Variants in KIF5C observed in about 807,000 individuals in gnomAD.
KIF5C encodes kinesin family member 5C.
KIF5C carries 18 observed loss-of-function variants against 125.2 expected under a neutral mutation model. That is an observed-to-expected ratio of 0.14 (90% confidence interval 0.10 to 0.21). The LOEUF is 0.21. KIF5C is among the 10% of genes least tolerant of loss of function. KIF5C has a pLI of 1.00. For missense variants in KIF5C, 780 were observed against 1,183.8 expected, an observed-to-expected ratio of 0.66 and a Z score of 5.01; for synonymous variants, 405 against 434.0, an observed-to-expected ratio of 0.93 and a Z score of 0.83.
chr2:148,907,670 A>C (rs995282192), intron 1 of KIF5C, among the ~76,000 whole-genome samples: 9 of 152,224 alleles, frequency 5.9e-5, no homozygotes, highest in Non-Finnish European at 1.2e-4. Flanking sequence ...CATCAGGGGA[A>C]GAGTGGGAAG....
chr2:149,005,314 G>A (rs1349613371), intron 21 of KIF5C, 79 bp from the exon 22 acceptor site: 21 of 1,562,226 alleles, frequency 1.3e-5, no homozygotes, highest in Middle Eastern at 3.3e-4. Context: ...GGGAAGTGTC[G>A]GGGGAATGAT....
intron 8 of KIF5C, 66 bp downstream of exon 8, chr2:148,947,089 A>G (rs1682536115): frequency 1.3e-6 from 2 of 1,515,780 alleles, no homozygotes; most frequent in Non-Finnish European, 1.8e-6. Context: ...GTGCAATGGT[A>G]TAATTTTTAT....
At chr2:148,884,948 C>T (rs576707763) in intron 1 of KIF5C, among the ~76,000 whole-genome samples, 1 of 150,904 alleles carries the variant, frequency 6.6e-6, no homozygotes, top group Non-Finnish European at 1.5e-5. Flanking sequence ...CTATCCCCCC[C>T]TCACAATGGC....
intron 1 of KIF5C, among the ~76,000 whole-genome samples, chr2:148,904,346 C>A (rs868334151): frequency 1.5e-4 from 23 of 152,288 alleles, no homozygotes; most frequent in African/African-American, 5.1e-4. Context: ...TACAATAGAT[C>A]CTTGGCAAGT....
At chr2:148,983,882 G>A in intron 15 of KIF5C, 116 bp downstream of exon 15, 1 of 1,266,750 alleles carries the variant, frequency 7.9e-7, no homozygotes. Flanking sequence ...GCCATGTGCT[G>A]GTTAGTGTTT....
chr2:148,994,383 T>C (rs1303426581), intron 16 of KIF5C, 38 bp from the exon 17 acceptor site: 21 of 1,546,092 alleles, frequency 1.4e-5, no homozygotes, highest in Non-Finnish European at 1.8e-5. Flanking sequence ...GGATGACCAC[T>C]TGCTAGTCAT....
rs115298586 is a variant in KIF5C at position 148,985,820 on chromosome 2, C to T, written c.1716+2054C>T. ...TGAAAGCCGTTTTTGGATGGTGTAACAGGTCCCAGCTTAGAGTACATGACC... is the reference window on the plus strand; with the variant it reads ...TGAAAGCCGTTTTTGGATGGTGTAATAGGTCCCAGCTTAGAGTACATGACC... On this transcript the variant is annotated intron_variant, in intron 15 of 25. Transcript: ENST00000435030. Among the ~76,000 whole-genome samples the T allele has an allele frequency of 7.2e-3, 1,093 of 152,270 alleles. 18 individuals carry two copies. Among genetic ancestry groups the T allele is most frequent in the African/African-American group, 0.025 (1,056 of 41,544 alleles).
At chr2:148,961,273 C>T (rs1434698814) in intron 10 of KIF5C, among the ~76,000 whole-genome samples, 2 of 151,914 alleles carry the variant, frequency 1.3e-5, no homozygotes, top group Non-Finnish European at 2.9e-5. Flanking sequence ...GCCTCCTCAC[C>T]GCATGGTGAT....
At chr2:148,961,160 C>T (rs866001573) in intron 10 of KIF5C, among the ~76,000 whole-genome samples, 22 of 152,256 alleles carry the variant, frequency 1.4e-4, no homozygotes, top group African/African-American at 4.8e-4. Context: ...TTTGTTTGTC[C>T]CACACATTGT....
At chr2:148,997,432 A>G in intron 18 of KIF5C, 92 bp downstream of exon 18, 1 of 1,588,628 alleles carries the variant, frequency 6.3e-7, no homozygotes, top group African/African-American at 1.3e-5. Flanking sequence ...TCACCTTCAG[A>G]TCCGTATATG....
chr2:148,896,347 G>A (rs985376497), intron 1 of KIF5C, among the ~76,000 whole-genome samples: 1 of 152,220 alleles, frequency 6.6e-6, no homozygotes, highest in African/African-American at 2.4e-5. Flanking sequence ...CAGCATGCCA[G>A]CTTTTCCTGG....
At chr2:149,014,372 T>A (rs1467305299) in intron 25 of KIF5C, among the ~76,000 whole-genome samples, 1 of 152,256 alleles carries the variant, frequency 6.6e-6, no homozygotes, top group East Asian at 1.9e-4. Flanking sequence ...TTTTGATGGT[T>A]TTATCTGAAT....
intron 1 of KIF5C, among the ~76,000 whole-genome samples, chr2:148,918,535 A>G (rs553309392): frequency 6.8e-4 from 104 of 152,286 alleles, no homozygotes; most frequent in South Asian, 3.3e-3. Flanking sequence ...AGGGAAGGAG[A>G]AATTTGAATT....
chr2:148,929,512 G>A (rs996202237), intron 3 of KIF5C, among the ~76,000 whole-genome samples, 158 bp downstream of exon 3: 2 of 152,104 alleles, frequency 1.3e-5, no homozygotes, highest in Admixed American at 6.5e-5. Flanking sequence ...TAAAATAGCA[G>A]CAAAAAATAA....
rs1682538468 is a variant in KIF5C, at chr2:148,947,204, G to T, written c.714+181G>T. On this transcript the variant is annotated intron_variant, in intron 8 of 25. Transcript: ENST00000435030. ...CCCTGCTTTCTTTTCTGGTCCTGAG[G>T]TCTCCTATTGGTGTCACAGGCAGGT... 6 of 930,766 alleles carry T rather than the reference G, an allele frequency of 6.4e-6. No homozygotes were observed. In the South Asian group the frequency reaches 1.2e-4, roughly 18 times the overall value. The allele number at this position is 930,766 out of a possible 1,614,324, so 57.7% of individuals were successfully genotyped here. A position where few individuals can be genotyped will look rare whatever the true frequency, so the allele number is the denominator to read the frequency against.
chr2:148,960,602 G>A (rs1682903037), intron 10 of KIF5C, among the ~76,000 whole-genome samples: 1 of 152,174 alleles, frequency 6.6e-6, no homozygotes, highest in Non-Finnish European at 1.5e-5. Context: ...TTCTTAAATG[G>A]AGTCTTACAT....
At chr2:148,916,609 C>CTTGGT (rs1681561239) in intron 1 of KIF5C, among the ~76,000 whole-genome samples, 2 of 151,940 alleles carry the variant, frequency 1.3e-5, no homozygotes, top group South Asian at 4.2e-4. Flanking sequence ...TAGTGTAATG[C>CTTGGT]AAATGCCTGA....
At chr2:148,936,951 C>T (rs1276504230) in intron 3 of KIF5C, among the ~76,000 whole-genome samples, 1 of 152,178 alleles carries the variant, frequency 6.6e-6, no homozygotes, top group African/African-American at 2.4e-5. Flanking sequence ...CGTTCCTTCT[C>T]CTGCTCCCTT....
At chr2:149,021,773 G>C (rs1395686397) in intron 25 of KIF5C, among the ~76,000 whole-genome samples, 1 of 133,184 alleles carries the variant, frequency 7.5e-6, no homozygotes, top group African/African-American at 2.8e-5. Context: ...AGTGGCTGTT[G>C]TATTTCCAGT....
Sources: gnomAD v4.1 joint callset for allele counts (sites outside exome capture counted in the v4.1 genomes callset) on GRCh38, gnomAD v4.1.1 for gene constraint, MANE v1.5 for transcripts, NCBI Gene and HGNC (gene_info 2026-07-23, HGNC 2026-07-21) for gene names.